The following TLE3 variants were observed in gnomAD, a reference collection of about 807,000 sequenced individuals.
The protein encoded by TLE3 is TLE family member 3, transcriptional corepressor, also known as transducin-like enhancer protein 3.
TLE3 carries 14 observed loss-of-function variants against 93.0 expected under a neutral mutation model. That is an observed-to-expected ratio of 0.15 (90% CI 0.10 to 0.24). TLE3 has a LOEUF of 0.24. Among genes scored for constraint, TLE3 ranks in the 10% least tolerant of loss-of-function variants. The probability of loss-of-function intolerance (pLI) is 1.00; values close to 1 mark genes in which losing one functional copy is unlikely to be tolerated. For missense variants in TLE3, 693 were observed against 1,046.6 expected, an observed-to-expected ratio of 0.66 and a Z score of 4.66; for synonymous variants, 451 against 425.0, an observed-to-expected ratio of 1.06 and a Z score of -0.75.
chr15:70,071,750 G>A (rs1279067025), intron 6 of TLE3, among the ~76,000 whole-genome samples: 1 of 152,112 alleles, frequency 6.6e-6, no homozygotes, highest in Non-Finnish European at 1.5e-5. Context: ...CAGTGCAGTG[G>A]GGGTAGCCAC....
chr15:70,055,965 C>T (rs17759112), intron 14 of TLE3: 248,768 of 422,624 alleles, frequency 0.59, 75,127 homozygotes, highest in Middle Eastern at 0.67. Flanking sequence ...CCCAGCAGGT[C>T]GAACCCAAAG....
At chr15:70,083,563 C>T (rs1294486533) in intron 4 of TLE3, among the ~76,000 whole-genome samples, 2 of 140,428 alleles carry the variant, frequency 1.4e-5, no homozygotes, top group Admixed American at 7.2e-5. Context: ...TCAGATAACC[C>T]CCTGCCCCCT....
chr15:70,054,176 C>G, intron 16 of TLE3: 1 of 420,614 alleles, frequency 2.4e-6, no homozygotes, highest in East Asian at 4.2e-5. Context: ...CTCCACTAAT[C>G]TGACCTCCAC....
At chr15:70,090,723 G>A (rs887787461) in intron 4 of TLE3, among the ~76,000 whole-genome samples, 7 of 152,226 alleles carry the variant, frequency 4.6e-5, no homozygotes, top group South Asian at 4.2e-4. Context: ...CACCTTTCCC[G>A]GTCTGTGAAT....
At chr15:70,053,483 G>C in intron 16 of TLE3, 109 bp from the exon 17 acceptor site, 1 of 1,308,044 alleles carries the variant, frequency 7.6e-7, no homozygotes, top group Non-Finnish European at 1.0e-6. Flanking sequence ...GCCCAGAAGA[G>C]TGCACTATGC....
At chr15:70,079,362 G>A (rs763141789) in intron 4 of TLE3, 18 of 500,676 alleles carry the variant, frequency 3.6e-5, no homozygotes, top group Middle Eastern at 3.4e-4. Flanking sequence ...GGACTGTGTA[G>A]GGTTGAGGCA....
rs577105573 is a variant in TLE3 at position 70,081,754 on chromosome 15, G to T, written c.235-5596C>A. 2.6e-5 allele frequency among the ~76,000 whole-genome samples: 4 copies of T among 152,338 alleles called. No homozygotes were observed. The East Asian group carries it at 7.7e-4, about 29-fold the overall frequency. On this transcript the variant is annotated intron_variant, in intron 4 of 19. Coordinates refer to ENST00000451782, the MANE Select transcript of TLE3 (RefSeq NM_001105192.3). ...AGTGTCATGCAAAGAGCATGGTACT[G>T]TGAGTCTGAGACCAGTTTGCGGATG...
chr15:70,075,589 C>T (rs79720187), intron 5 of TLE3, among the ~76,000 whole-genome samples: 3,220 of 152,288 alleles, frequency 0.021, 139 homozygotes, highest in East Asian at 0.21. Context: ...CCACTAAAGT[C>T]GGCCCGTCTG....
intron 4 of TLE3, among the ~76,000 whole-genome samples, chr15:70,092,106 GATAAAACACCAGTC>G (rs1451357629): frequency 6.6e-6 from 1 of 152,140 alleles, no homozygotes; most frequent in Non-Finnish European, 1.5e-5. Context: ...TGTGTGTGCC[GATAAAACACCAGTC>G]AACCGCTAAA....
chr15:70,056,220 G>A (rs2056011568), intron 14 of TLE3, 78 bp downstream of exon 14: 1 of 1,447,110 alleles, frequency 6.9e-7, no homozygotes, highest in Non-Finnish European at 9.7e-7. Flanking sequence ...GGGGATGAGG[G>A]GCGTTGTTGG....
intron 19 of TLE3, 88 bp from the exon 20 acceptor site, chr15:70,050,292 C>A: frequency 9.9e-7 from 1 of 1,009,688 alleles, no homozygotes; most frequent in Non-Finnish European, 1.6e-6. Context: ...TGCTCAACAC[C>A]ATCTCGGTTC....
intron 3 of TLE3, among the ~76,000 whole-genome samples, chr15:70,095,145 A>G (rs889747027): frequency 6.6e-6 from 1 of 152,050 alleles, no homozygotes; most frequent in Admixed American, 6.5e-5. Flanking sequence ...CTTCTGTCCT[A>G]CTCTGGCTAG....
At chr15:70,064,649 A>G (rs1045848974) in intron 7 of TLE3, among the ~76,000 whole-genome samples, 179 bp from the exon 8 acceptor site, 3 of 152,186 alleles carry the variant, frequency 2.0e-5, no homozygotes, top group Admixed American at 6.5e-5. Flanking sequence ...AGGCAGGGCC[A>G]TTAGGTGGCG....
intron 18 of TLE3, 123 bp from the exon 19 acceptor site, chr15:70,051,590 C>G: frequency 2.1e-6 from 1 of 486,758 alleles, no homozygotes; most frequent in Non-Finnish European, 3.0e-6. Context: ...TATAACTCTC[C>G]AATTTCGAGA....
intron 16 of TLE3, chr15:70,053,846 C>G (rs2055771225): frequency 6.3e-6 from 1 of 159,782 alleles, no homozygotes; most frequent in African/African-American, 2.4e-5. Flanking sequence ...TCTCTTCATC[C>G]TGCATGAACT....
intron 8 of TLE3, among the ~76,000 whole-genome samples, chr15:70,064,137 G>C (rs2056668868): frequency 6.6e-6 from 1 of 152,200 alleles, no homozygotes; most frequent in South Asian, 2.1e-4. Context: ...CAGACCTAAA[G>C]CCTGGAGAGA....
chr15:70,063,519 G>C (rs1390078696), intron 8 of TLE3, among the ~76,000 whole-genome samples: 1 of 152,194 alleles, frequency 6.6e-6, no homozygotes, highest in Non-Finnish European at 1.5e-5. Context: ...AGGAGGGCTG[G>C]ATTGGAGAGA....
chr15:70,058,341 C>A lies in TLE3; in HGVS notation c.919-50G>T. The A allele has an allele frequency of 6.5e-7, 1 of 1,547,958 alleles. No homozygotes were observed. Among genetic ancestry groups the A allele is most frequent in the Non-Finnish European group, 8.7e-7 (1 of 1,145,656 alleles). On this transcript the variant is annotated intron_variant, in intron 11 of 19. Transcript: ENST00000451782. This position sits in a 1 kb window ranked among gnomAD's most constrained non-coding sequence, Gnocchi z 4.1. The stretch of plus-strand genomic sequence containing the variant: ...GGGAGGCCATGAGGCTTCCATTCTC[C>A]TAGGAGCCGGGCACAACTGGTGCCG...
At chr15:70,062,674 C>G (rs889864814) in intron 8 of TLE3, among the ~76,000 whole-genome samples, 1 of 152,212 alleles carries the variant, frequency 6.6e-6, no homozygotes, top group African/African-American at 2.4e-5. Flanking sequence ...CCCCATCCCC[C>G]CTCCCACTCT....
Sources: allele counts gnomAD v4.1 joint callset (sites outside exome capture counted in the v4.1 genomes callset), GRCh38; gene constraint gnomAD v4.1.1; non-coding constraint Gnocchi (gnomAD v3.1); transcripts MANE v1.5; gene names NCBI Gene and HGNC (gene_info 2026-07-23, HGNC 2026-07-21).